GSG1L: variants seen among roughly 807,000 people sequenced by gnomAD.
GSG1L encodes germ cell-specific gene 1-like protein.
GSG1L carries 24 observed loss-of-function variants against 42.1 expected under a neutral mutation model. That is an observed-to-expected ratio of 0.57 (90% CI 0.41 to 0.80). The LOEUF is 0.80. GSG1L is among the 30% of genes least tolerant of loss of function. The pLI is 0.00. For missense variants in GSG1L, 445 were observed against 472.2 expected, an observed-to-expected ratio of 0.94 and a Z score of 0.53; for synonymous variants, 215 against 203.5, an observed-to-expected ratio of 1.06 and a Z score of -0.48.
intron 2 of GSG1L, among the ~76,000 whole-genome samples, chr16:27,959,683 A>G (rs2085047778): frequency 6.6e-6 from 1 of 152,008 alleles, no homozygotes; most frequent in Admixed American, 6.6e-5. Context: ...CTCGGAGCCT[A>G]AGGCAGAAGG....
chr16:27,867,704 C>T (rs2083746958), intron 3 of GSG1L, among the ~76,000 whole-genome samples: 1 of 152,202 alleles, frequency 6.6e-6, no homozygotes, highest in African/African-American at 2.4e-5. Flanking sequence ...GTGCTGCCCT[C>T]TACTGGCCAC....
chr16:27,831,190 G>T (rs1025576033), intron 4 of GSG1L, among the ~76,000 whole-genome samples: 21 of 152,174 alleles, frequency 1.4e-4, no homozygotes, highest in African/African-American at 5.1e-4. Flanking sequence ...GCCAGGAGTT[G>T]CTGGGGACCC....
At chr16:27,927,354 G>T (rs766382530) in intron 2 of GSG1L, among the ~76,000 whole-genome samples, 1 of 151,998 alleles carries the variant, frequency 6.6e-6, no homozygotes. Context: ...GCCCAGGCTG[G>T]TCTTGGCAGA....
chr16:27,960,299 G>A (rs74015178), intron 2 of GSG1L, among the ~76,000 whole-genome samples: 1,664 of 152,270 alleles, frequency 0.011, 35 homozygotes, highest in African/African-American at 0.038. Context: ...CCAGCCGTGT[G>A]GTTGCTCTGT....
intron 1 of GSG1L, among the ~76,000 whole-genome samples, chr16:27,989,281 G>A (rs1435686121): frequency 6.6e-6 from 1 of 152,024 alleles, no homozygotes; most frequent in Non-Finnish European, 1.5e-5. Context: ...GTGTTTTAAA[G>A]CTTTCTTACT....
intron 2 of GSG1L, among the ~76,000 whole-genome samples, chr16:27,934,409 C>T (rs2141075840): frequency 6.6e-6 from 1 of 152,230 alleles, no homozygotes; most frequent in East Asian, 1.9e-4. Flanking sequence ...ATGGCAGGTG[C>T]CTGTAATCTC....
intron 1 of GSG1L, among the ~76,000 whole-genome samples, chr16:28,062,755 G>A (rs2086357187): frequency 1.3e-5 from 2 of 152,196 alleles, no homozygotes; most frequent in South Asian, 2.1e-4. Flanking sequence ...AAAGCAGCGC[G>A]CGCCCCTCCG....
At chr16:27,862,632 C>G (rs2083668194) in intron 3 of GSG1L, among the ~76,000 whole-genome samples, 1 of 152,250 alleles carries the variant, frequency 6.6e-6, no homozygotes, top group African/African-American at 2.4e-5. Context: ...CTGGGGCTGG[C>G]TGGTTCCCTC....
At chr16:28,047,442 A>G (rs940933783) in intron 1 of GSG1L, among the ~76,000 whole-genome samples, 1 of 152,174 alleles carries the variant, frequency 6.6e-6, no homozygotes, top group Non-Finnish European at 1.5e-5. Context: ...AAAAAGAAAG[A>G]AGTGAAAGAA....
chr16:27,937,290 T>A (rs1257695343), intron 2 of GSG1L, among the ~76,000 whole-genome samples: 1 of 151,540 alleles, frequency 6.6e-6, no homozygotes, highest in Admixed American at 6.6e-5. Context: ...CAGGCTGGAG[T>A]GCAGTGGTGT....
In GSG1L at chr16:27,815,620, C is replaced by T. The variant is rs1353071760; in HGVS notation, c.831-8066G>A. 3.3e-5 allele frequency among the ~76,000 whole-genome samples: 5 copies of T among 152,192 alleles called. No homozygotes were observed. The South Asian group carries it at 6.2e-4, about 19-fold the overall frequency. Reference sequence around the variant, plus strand: ...ATCAGGTGGAACCGGGCACCCCAGACGTGTCACATCCCTCCAGGGGTTGGG... The same window carrying T: ...ATCAGGTGGAACCGGGCACCCCAGATGTGTCACATCCCTCCAGGGGTTGGG... On this transcript the variant is annotated intron_variant, in intron 5 of 6. Transcript: ENST00000447459.
At chr16:27,827,897 TCCATC>T (rs879893399) in intron 5 of GSG1L, among the ~76,000 whole-genome samples, 3 of 94,620 alleles carry the variant, frequency 3.2e-5, no homozygotes, top group African/African-American at 9.8e-5. Context: ...CATCCATCCA[TCCATC>T]CCTTCACCTA....
At chr16:27,811,609 C>T (rs188814415) in intron 5 of GSG1L, among the ~76,000 whole-genome samples, 48 of 152,318 alleles carry the variant, frequency 3.2e-4, no homozygotes, top group South Asian at 1.5e-3. Flanking sequence ...TTGAACCAAC[C>T]CCTCCATCCA....
At chr16:27,888,511 CTTTCTTTCTTTCTTT>C (rs2084076582) in intron 2 of GSG1L, among the ~76,000 whole-genome samples, 8 of 14,146 alleles carry the variant, frequency 5.7e-4, no homozygotes, top group Non-Finnish European at 1.1e-3. Flanking sequence ...TTCTTTCTTT[CTTTCTTTCTTTCTTT>C]CTTTCTTTCT....
rs150398338 is a variant in GSG1L, at chr16:27,934,282, G to A, written c.397+28874C>T. 4.1e-3 allele frequency among the ~76,000 whole-genome samples: 629 copies of A among 152,292 alleles called. 3 individuals are homozygous for A. The highest frequency in any genetic ancestry group is 0.014 in the African/African-American group (599 of 41,566). ...CTATGGGCCAGGCGTGGTGGCTCAC[G>A]CCTGTAATCCCAGCACTTCAGGAGG... On this transcript the variant is annotated intron_variant, in intron 2 of 6. Coordinates refer to ENST00000447459, the MANE Select transcript of GSG1L (RefSeq NM_001109763.2).
At chr16:27,993,955 AC>A (rs2141137328) in intron 1 of GSG1L, among the ~76,000 whole-genome samples, 1 of 152,312 alleles carries the variant, frequency 6.6e-6, no homozygotes, top group East Asian at 1.9e-4. Flanking sequence ...CAAATGAGAC[AC>A]CCAGGCCTCA....
At chr16:27,915,832 G>A (rs7187021) in intron 2 of GSG1L, among the ~76,000 whole-genome samples, 32,528 of 152,032 alleles carry the variant, frequency 0.21, 4,893 homozygotes, top group African/African-American at 0.41. Flanking sequence ...TCAGGTAGCG[G>A]CAGCCACAGC....
At chr16:27,908,376 T>C (rs2084344366) in intron 2 of GSG1L, among the ~76,000 whole-genome samples, 1 of 152,234 alleles carries the variant, frequency 6.6e-6, no homozygotes, top group Non-Finnish European at 1.5e-5. Context: ...GTGATCAGTA[T>C]GCAGCATTGT....
At chr16:27,834,019 A>G (rs190190253) in intron 4 of GSG1L, among the ~76,000 whole-genome samples, 3 of 152,218 alleles carry the variant, frequency 2.0e-5, no homozygotes, top group Admixed American at 1.3e-4. Context: ...GGTGTTCTCA[A>G]TCTTAGAAAG....
Sources: gnomAD v4.1 joint callset for allele counts (sites outside exome capture counted in the v4.1 genomes callset) on GRCh38, gnomAD v4.1.1 for gene constraint, MANE v1.5 for transcripts, NCBI Gene and HGNC (gene_info 2026-07-23, HGNC 2026-07-21) for gene names.